Variants in CACNA1D observed in about 807,000 individuals in gnomAD.
CACNA1D encodes calcium voltage-gated channel subunit alpha1 D.
CACNA1D carries 55 observed loss-of-function variants against 257.1 expected under a neutral mutation model. The observed-to-expected ratio is 0.21, with a 90% CI of 0.17 to 0.27. The LOEUF (loss-of-function observed/expected upper bound fraction) is 0.27. Ranked by LOEUF, CACNA1D falls within the 10% of genes least tolerant of loss-of-function variation. CACNA1D has a pLI of 1.00. For missense variants in CACNA1D, 1,876 were observed against 2,784.0 expected (o/e 0.67, Z 7.34); for synonymous variants, 980 against 1,014.9 (o/e 0.97, Z 0.65).
chr3:53,664,248 T>C (rs1331975284), intron 5 of CACNA1D, among the ~76,000 whole-genome samples: 1 of 152,178 alleles, frequency 6.6e-6, no homozygotes, highest in African/African-American at 2.4e-5. Context: ...CTTAGTTTTG[T>C]TGGGGACACT....
chr3:53,702,130 T>C (rs2094632304), intron 8 of CACNA1D, among the ~76,000 whole-genome samples: 1 of 152,234 alleles, frequency 6.6e-6, no homozygotes, highest in African/African-American at 2.4e-5. Context: ...CAGCAAGGAC[T>C]GCTGCCTGCT....
chr3:53,667,958 G>A (rs1054406061), intron 7 of CACNA1D, among the ~76,000 whole-genome samples: 1 of 152,120 alleles, frequency 6.6e-6, no homozygotes, highest in African/African-American at 2.4e-5. Flanking sequence ...TCTGTATGCA[G>A]GAGGGCCCTC....
intron 8 of CACNA1D, among the ~76,000 whole-genome samples, chr3:53,693,821 T>G (rs1466905289): frequency 6.6e-6 from 1 of 152,128 alleles, no homozygotes; most frequent in Non-Finnish European, 1.5e-5. Context: ...GTTTCGAGGG[T>G]TTTTTGTTTT....
At chr3:53,727,135 A>G (rs2094943157) in intron 15 of CACNA1D, 136 bp downstream of exon 15, 1 of 1,013,322 alleles carries the variant, frequency 9.9e-7, no homozygotes, top group East Asian at 2.4e-5. Flanking sequence ...TATTAGCTCA[A>G]TATCTGCTTT....
At chr3:53,688,572 T>C (rs1459079784) in intron 8 of CACNA1D, among the ~76,000 whole-genome samples, 1 of 152,182 alleles carries the variant, frequency 6.6e-6, no homozygotes, top group Non-Finnish European at 1.5e-5. Flanking sequence ...GGTTGTGTCC[T>C]CCTCCTCGGA....
chr3:53,571,290 A>G (rs1460285658), intron 3 of CACNA1D, among the ~76,000 whole-genome samples: 1 of 152,198 alleles, frequency 6.6e-6, no homozygotes, highest in Non-Finnish European at 1.5e-5. Context: ...ATGGATAATT[A>G]TGGAAGAGAA....
chr3:53,797,559 C>T (rs1259538379), intron 40 of CACNA1D, among the ~76,000 whole-genome samples: 1 of 152,216 alleles, frequency 6.6e-6, no homozygotes, highest in Admixed American at 6.5e-5. Context: ...CACCTTTCAA[C>T]CTTCTCCATG....
intron 30 of CACNA1D, among the ~76,000 whole-genome samples, chr3:53,763,466 A>G (rs2095315253): frequency 6.6e-6 from 1 of 152,092 alleles, no homozygotes; most frequent in Admixed American, 6.5e-5. Context: ...GGCCCTGTCT[A>G]CCTGATCTGT....
At chr3:53,553,973 G>C (rs369745555) in intron 3 of CACNA1D, among the ~76,000 whole-genome samples, 16 of 151,894 alleles carry the variant, frequency 1.1e-4, no homozygotes, top group African/African-American at 2.9e-4. Context: ...AAGGCGGGCA[G>C]ATCATGAGGT....
intron 38 of CACNA1D, among the ~76,000 whole-genome samples, chr3:53,780,804 G>A (rs1008179357): frequency 6.6e-6 from 1 of 152,188 alleles, no homozygotes; most frequent in African/African-American, 2.4e-5. Flanking sequence ...ACCAGGAGGT[G>A]GGGGGAGGTG....
In CACNA1D at chr3:53,744,848, G is replaced by T. The variant is rs2253795; in HGVS notation, c.3006+21G>T. 0.22 allele frequency: 315,746 copies of T among 1,429,502 alleles called. 36,918 individuals are homozygous for T. The highest frequency in any genetic ancestry group is 0.27 in the Middle Eastern group (1,538 of 5,692). 88.6% of individuals were successfully genotyped at this position (1,429,502 alleles called of 1,614,324 possible). ...TTAAGGTTTTGATTCCTCTCCTCCC[G>T]GCTGGGCTGGCTTGGGTTGGGGTTG... is the stretch of plus-strand genomic sequence containing the variant. On this transcript the variant is annotated intron_variant, in intron 23 of 47. Transcript: ENST00000350061.
At chr3:53,664,546 C>T (rs888804365) in intron 5 of CACNA1D, among the ~76,000 whole-genome samples, 13 of 152,248 alleles carry the variant, frequency 8.5e-5, no homozygotes, top group Non-Finnish European at 1.5e-4. Flanking sequence ...TTCCACTAAC[C>T]ACCAATCAAG....
At chr3:53,745,763 G>A in intron 24 of CACNA1D, 32 bp downstream of exon 24, 1 of 1,603,358 alleles carries the variant, frequency 6.2e-7, no homozygotes, top group South Asian at 1.1e-5. Context: ...ATAAAACTCA[G>A]GTGGATTTCT....
Position 53,570,545 on chromosome 3 carries a change from C to T in CACNA1D, c.483+68825C>T, listed in dbSNP as rs563985222. Among the ~76,000 whole-genome samples, 3 of 152,284 alleles carry T rather than the reference C, an allele frequency of 2.0e-5. No homozygotes were observed. The South Asian group carries it at 6.2e-4, about 32-fold the overall frequency. Reference sequence around the variant, plus strand: ...TCTGGCTTTGAACTGTAAACGTCAACGGAGCTATATTCATGATAATTATAT... The same window carrying T: ...TCTGGCTTTGAACTGTAAACGTCAATGGAGCTATATTCATGATAATTATAT... On this transcript the variant is annotated intron_variant, in intron 3 of 47. Transcript: ENST00000350061.
At chr3:53,768,078 A>G (rs1321153780) in intron 30 of CACNA1D, among the ~76,000 whole-genome samples, 1 of 152,246 alleles carries the variant, frequency 6.6e-6, no homozygotes, top group Non-Finnish European at 1.5e-5. Flanking sequence ...TCAGTTGAAG[A>G]GATGTACACT....
chr3:53,645,234 A>T (rs1177774874), intron 3 of CACNA1D, among the ~76,000 whole-genome samples: 1 of 152,144 alleles, frequency 6.6e-6, no homozygotes, highest in Non-Finnish European at 1.5e-5. Context: ...TATCAGATGA[A>T]TGGTTTAAAA....
rs1431104166 is a variant in CACNA1D, at chr3:53,495,567, G to C, written c.67+334G>C. ...TCAACGCCCCCGAGCGATGGCAGGA[G>C]GGCCGCAAGTCTTCAGCCGGAGCCC... is the stretch of plus-strand genomic sequence containing the variant. On this transcript the variant is annotated intron_variant, in intron 1 of 47. Transcript: ENST00000350061. The surrounding 1 kb of genome is among the most constrained non-coding windows in gnomAD (Gnocchi z 5.1). 6.6e-6 allele frequency among the ~76,000 whole-genome samples: 1 copy of C among 152,182 alleles called. No homozygotes were observed. Among genetic ancestry groups the C allele is most frequent in the African/African-American group, 2.4e-5 (1 of 41,456 alleles).
At chr3:53,521,434 A>G (rs1282118249) in intron 3 of CACNA1D, among the ~76,000 whole-genome samples, 1 of 152,192 alleles carries the variant, frequency 6.6e-6, no homozygotes, top group African/African-American at 2.4e-5. Flanking sequence ...AGCTGGATTG[A>G]GTCTTCAAGG....
intron 3 of CACNA1D, among the ~76,000 whole-genome samples, chr3:53,545,946 G>T (rs138740538): frequency 2.6e-5 from 4 of 152,290 alleles, no homozygotes; most frequent in Admixed American, 2.6e-4. Context: ...ACAGAATCAC[G>T]GGAAAATAGG....
Sources: allele counts gnomAD v4.1 joint callset (sites outside exome capture counted in the v4.1 genomes callset), GRCh38; gene constraint gnomAD v4.1.1; non-coding constraint Gnocchi (gnomAD v3.1); transcripts MANE v1.5; gene names NCBI Gene and HGNC (gene_info 2026-07-23, HGNC 2026-07-21).